Variants in ZNF350 observed in about 807,000 individuals in gnomAD.
ZNF350 encodes KRAB zinc finger protein ZFQR.
A neutral mutation model predicts 13.1 loss-of-function variants in ZNF350; 5 were observed. That is an observed-to-expected ratio of 0.38 (90% CI 0.20 to 0.80). The LOEUF (loss-of-function observed/expected upper bound fraction) is 0.80. Ranked by LOEUF, ZNF350 falls within the 30% of genes least tolerant of loss-of-function variation. ZNF350 has a pLI of 0.43. For missense variants in ZNF350, 534 were observed against 644.2 expected (o/e 0.83, Z 1.85); for synonymous variants, 199 against 224.2 (o/e 0.89, Z 1.00).
intron 2 of ZNF350, 80 bp from the exon 3 acceptor site, chr19:51,969,211 C>T: frequency 6.4e-7 from 1 of 1,552,044 alleles, no homozygotes; most frequent in African/African-American, 1.4e-5. Context: ...TGCTCATTTC[C>T]ACTCTACAGG....
intron 4 of ZNF350, among the ~76,000 whole-genome samples, chr19:51,967,949 G>C (rs1447689246): frequency 3.3e-5 from 5 of 152,204 alleles, no homozygotes; most frequent in Non-Finnish European, 7.3e-5. Context: ...GATAACAACA[G>C]GGAGATGTCA....
intron 1 of ZNF350, chr19:51,981,191 A>G (rs1212387327): frequency 6.6e-6 from 1 of 152,150 alleles, no homozygotes; most frequent in Non-Finnish European, 1.5e-5. Flanking sequence ...GAGGTTATCT[A>G]CTGCGACATC....
At chr19:51,969,267 GAAGTA>G in intron 2 of ZNF350, 136 bp from the exon 3 acceptor site, 3 of 953,854 alleles carry the variant, frequency 3.1e-6, no homozygotes, top group Non-Finnish European at 4.6e-6. Context: ...CAATGTGGAA[GAAGTA>G]AAGTCCTAAT....
chr19:51,966,234 G>T lies in ZNF350; in HGVS notation c.239-20C>A. On this transcript the variant is annotated intron_variant, in intron 4 of 4. Coordinates refer to ENST00000243644, the MANE Select transcript of ZNF350 (RefSeq NM_021632.4). ...ATATGTCTAGAAAGAAAAGAACAAA[G>T]ATTTCTATCATTTAGATTTGGGGTA... is the stretch of plus-strand genomic sequence containing the variant. 1.3e-6 allele frequency: 2 copies of T among 1,527,364 alleles called. No homozygotes were observed. Among genetic ancestry groups the T allele is most frequent in the South Asian group, 2.6e-5 (2 of 76,636 alleles). 94.6% of individuals were successfully genotyped at this position (1,527,364 alleles called of 1,614,324 possible).
At chr19:51,971,518 G>A (rs2085736701) in intron 2 of ZNF350, among the ~76,000 whole-genome samples, 1 of 152,208 alleles carries the variant, frequency 6.6e-6, no homozygotes, top group African/African-American at 2.4e-5. Context: ...AATGCAGGAT[G>A]TGAGCAAACT....
At position 51,965,238 on chromosome 19, in the gene ZNF350, G is replaced by T; in HGVS notation, c.1215C>A (p.Asn405Lys). 1 of 1,614,108 alleles carries T rather than the reference G, an allele frequency of 6.2e-7. No homozygotes were observed. Among genetic ancestry groups the T allele is most frequent in the Non-Finnish European group, 8.5e-7 (1 of 1,180,014 alleles). The change falls in exon 5 of 5, where the codon AAC becomes AAA. Residue 405 changes from asparagine (N) to lysine (K), a missense_variant. By Grantham distance (94) the Asn-to-Lys change is moderately conservative. Coordinates refer to ENST00000243644, the MANE Select transcript of ZNF350 (RefSeq NM_021632.4). Reference protein sequence around the residue: ...THTGERPYGCNECGKAFAYMS... With the variant: ...THTGERPYGCKECGKAFAYMS... ...TATACGCAAACGCTTTCCCACACTC[G>T]TTACAGCCATAGGGTCTCTCTCCTG...
At chr19:51,968,321 G>T (rs757914469) in intron 4 of ZNF350, among the ~76,000 whole-genome samples, 1 of 152,194 alleles carries the variant, frequency 6.6e-6, no homozygotes, top group Non-Finnish European at 1.5e-5. Flanking sequence ...CTTGAAACCC[G>T]AGGAAGAAGA....
chr19:51,984,862 C>G (rs998786496), intron 1 of ZNF350, among the ~76,000 whole-genome samples: 8 of 71,560 alleles, frequency 1.1e-4, no homozygotes, highest in South Asian at 9.5e-4. Context: ...AAAATATACT[C>G]AGATGCAACA....
At position 51,964,791 on chromosome 19, in the gene ZNF350, C is replaced by T. The variant is rs974284848; in HGVS notation, c.*63G>A. The T allele has an allele frequency of 3.3e-5, 50 of 1,526,206 alleles. No individual in the cohort carries two copies. Among genetic ancestry groups the T allele is most frequent in the East Asian group, 9.1e-5 (4 of 44,198 alleles). 94.5% of individuals were successfully genotyped at this position (1,526,206 alleles called of 1,614,324 possible). A position where few individuals can be genotyped will look rare whatever the true frequency, so the allele number is the denominator to read the frequency against. On this transcript the variant is annotated 3_prime_UTR_variant, in exon 5 of 5. Coordinates refer to ENST00000243644, the MANE Select transcript of ZNF350 (RefSeq NM_021632.4). ...ACATGTTCTCTCAGTGTATGCTTTT[C>T]GGCCACATAATGAACTACAAATTTT...
chr19:51,980,298 G>T (rs2086001507), intron 1 of ZNF350, among the ~76,000 whole-genome samples: 1 of 152,180 alleles, frequency 6.6e-6, no homozygotes, highest in Admixed American at 6.5e-5. Context: ...GCCTTGGGCT[G>T]CCACACCTGC....
At chr19:51,967,287 AT>A (rs1431714930) in intron 4 of ZNF350, 1 of 152,144 alleles carries the variant, frequency 6.6e-6, no homozygotes, top group Non-Finnish European at 1.5e-5. Context: ...TGTGCCAGGT[AT>A]GGTGCTGGTG....
intron 1 of ZNF350, among the ~76,000 whole-genome samples, chr19:51,980,431 ACT>A (rs2086005025): frequency 6.6e-6 from 1 of 152,124 alleles, no homozygotes; most frequent in African/African-American, 2.4e-5. Context: ...ATCTTCTGTA[ACT>A]CTGCATAATT....
intron 1 of ZNF350, chr19:51,974,773 G>A (rs746495031): frequency 6.3e-6 from 1 of 159,446 alleles, no homozygotes; most frequent in Non-Finnish European, 1.4e-5. Context: ...GGTAGGAAAT[G>A]AGACCCACCA....
intron 1 of ZNF350, among the ~76,000 whole-genome samples, chr19:51,985,789 C>G (rs1194014403): frequency 6.6e-6 from 1 of 152,068 alleles, no homozygotes; most frequent in Admixed American, 6.5e-5. Context: ...GGCGGATCAC[C>G]TGAGGTCAGG....
chr19:51,972,680 C>CAT (rs1463223749), intron 2 of ZNF350, among the ~76,000 whole-genome samples: 3 of 150,618 alleles, frequency 2.0e-5, no homozygotes, highest in African/African-American at 7.4e-5. Context: ...CAGATAGATT[C>CAT]ATATATACTC....
At chr19:51,966,644 G>GT (rs113694086) in intron 4 of ZNF350, among the ~76,000 whole-genome samples, 23,376 of 145,742 alleles carry the variant, frequency 0.16, 1,966 homozygotes, top group South Asian at 0.28. Context: ...AGTATTTTTT[G>GT]TTGTTTTTTT....
At chr19:51,969,591 G>A (rs184486652) in intron 2 of ZNF350, among the ~76,000 whole-genome samples, 9 of 152,100 alleles carry the variant, frequency 5.9e-5, no homozygotes, top group African/African-American at 1.7e-4. Context: ...CAGCACTTTC[G>A]GAGGCCAAGG....
chr19:51,964,666 G>A lies in ZNF350; in HGVS notation c.*188C>T, dbSNP rs1009577577. 21 of 590,086 alleles carry A rather than the reference G, an allele frequency of 3.6e-5. No homozygotes were observed. Among genetic ancestry groups the A allele is most frequent in the African/African-American group, 9.3e-5 (5 of 53,672 alleles). The allele number at this position is 590,086 out of a possible 1,614,324, so 36.6% of individuals were successfully genotyped here. A position where few individuals can be genotyped will look rare whatever the true frequency, so the allele number is the denominator to read the frequency against. ...CTTTACTCATTTAATTGACACAGTC[G>A]AGCAATTGCTGTGTATGTGCTTAGG... On this transcript the variant is annotated 3_prime_UTR_variant, in exon 5 of 5. Transcript: ENST00000243644.
chr19:51,982,442 G>T (rs1307722650), intron 1 of ZNF350, among the ~76,000 whole-genome samples: 1 of 152,146 alleles, frequency 6.6e-6, no homozygotes. Context: ...ATTGTATTTT[G>T]TGCAGTTTCC....
Sources: gnomAD v4.1 joint callset for allele counts (sites outside exome capture counted in the v4.1 genomes callset) on GRCh38, gnomAD v4.1.1 for gene constraint, MANE v1.5 for transcripts, NCBI Gene and HGNC (gene_info 2026-07-23, HGNC 2026-07-21) for gene names.